PHF20L1: variants seen among roughly 807,000 people sequenced by gnomAD.
PHF20L1 encodes PHD finger protein 20-like protein 1.
Under a neutral mutation model 125.5 loss-of-function variants are expected in PHF20L1, and 44 were observed. The observed-to-expected ratio is 0.35, with a 90% CI of 0.28 to 0.45. PHF20L1 has a LOEUF of 0.45. Ranked by LOEUF, PHF20L1 falls within the 20% of genes least tolerant of loss-of-function variation. The pLI is 1.00. For missense variants in PHF20L1, 1,012 were observed against 1,217.2 expected, an observed-to-expected ratio of 0.83 and a Z score of 2.51; for synonymous variants, 380 against 403.1, an observed-to-expected ratio of 0.94 and a Z score of 0.69.
At chr8:132,845,650 A>C (rs1838365743) in intron 20 of PHF20L1, 131 bp from the exon 21 acceptor site, 1 of 648,916 alleles carries the variant, frequency 1.5e-6, no homozygotes, top group Admixed American at 2.6e-5. Context: ...AAATGTCTTG[A>C]GTATGTTGGC....
intron 14 of PHF20L1, among the ~76,000 whole-genome samples, chr8:132,830,748 C>G (rs555645873): frequency 6.6e-6 from 1 of 152,184 alleles, no homozygotes; most frequent in African/African-American, 2.4e-5. Context: ...TCTAGCATTT[C>G]TCACCACTGC....
At chr8:132,781,896 A>G (rs943380540) in intron 2 of PHF20L1, among the ~76,000 whole-genome samples, 1 of 152,200 alleles carries the variant, frequency 6.6e-6, no homozygotes, top group African/African-American at 2.4e-5. Flanking sequence ...TCTCTCCTAC[A>G]CTGACCAAAC....
intron 6 of PHF20L1, among the ~76,000 whole-genome samples, chr8:132,801,173 C>T (rs1833002005): frequency 6.6e-6 from 1 of 151,594 alleles, no homozygotes; most frequent in Non-Finnish European, 1.5e-5. Flanking sequence ...GAAGTACTTG[C>T]CTTTTCTCTC....
chr8:132,776,491 G>A (rs1586823633), intron 1 of PHF20L1, among the ~76,000 whole-genome samples: 3 of 152,082 alleles, frequency 2.0e-5, no homozygotes, highest in Admixed American at 2.0e-4. Context: ...GCTACACCCT[G>A]GGCAAGCTCC....
intron 2 of PHF20L1, among the ~76,000 whole-genome samples, chr8:132,784,495 G>A (rs1830789354): frequency 6.6e-6 from 1 of 151,954 alleles, no homozygotes; most frequent in Admixed American, 6.6e-5. Context: ...CCTATTCAGG[G>A]ATGACAGATT....
rs937295439 is a variant in PHF20L1, at chr8:132,843,108, A to G, written c.2748+233A>G. ...TAATTCAATAAACTGTTACTCTAAC[A>G]AAAGTTTCAATTGTATAAGTACATT... is the stretch of plus-strand genomic sequence containing the variant. On this transcript the variant is annotated intron_variant, in intron 19 of 20. Transcript: ENST00000395386. 1.3e-5 allele frequency: 16 copies of G among 1,216,856 alleles called. No individual in the cohort carries two copies. The Admixed American group carries it at 2.4e-4, about 18-fold the overall frequency. 75.4% of individuals were successfully genotyped at this position (1,216,856 alleles called of 1,614,324 possible). A position where few individuals can be genotyped will look rare whatever the true frequency, so the allele number is the denominator to read the frequency against.
intron 2 of PHF20L1, among the ~76,000 whole-genome samples, chr8:132,780,899 C>T (rs1200450987): frequency 1.4e-5 from 2 of 144,546 alleles, no homozygotes; most frequent in Admixed American, 1.4e-4. Flanking sequence ...GCTGGGAGTG[C>T]AGTGGCGTGA....
chr8:132,844,465 T>G (rs1360453901), intron 20 of PHF20L1, 147 bp downstream of exon 20: 2 of 629,072 alleles, frequency 3.2e-6, no homozygotes, highest in African/African-American at 1.8e-5. Flanking sequence ...GTATTGTATT[T>G]AACACATTTG....
At chr8:132,780,567 A>G (rs910456752) in intron 2 of PHF20L1, among the ~76,000 whole-genome samples, 2 of 152,112 alleles carry the variant, frequency 1.3e-5, no homozygotes, top group African/African-American at 4.8e-5. Flanking sequence ...TTTTGCATCC[A>G]TATTGAATGC....
intron 15 of PHF20L1, among the ~76,000 whole-genome samples, chr8:132,834,152 C>T (rs1356529780): frequency 6.6e-6 from 1 of 152,030 alleles, no homozygotes; most frequent in Non-Finnish European, 1.5e-5. Context: ...TCAGCTCTGT[C>T]ATCCATTTTA....
At position 132,817,283 on chromosome 8, in the gene PHF20L1, G is replaced by A. The variant is rs1835090119; in HGVS notation, c.1373-56G>A. The A allele has an allele frequency of 6.4e-6, 9 of 1,410,596 alleles. No individual in the cohort carries two copies. In the South Asian group the frequency reaches 1.1e-4, roughly 17 times the overall value. 87.4% of individuals were successfully genotyped at this position (1,410,596 alleles called of 1,614,324 possible). On this transcript the variant is annotated intron_variant, in intron 11 of 20. Coordinates refer to ENST00000395386, the MANE Select transcript of PHF20L1 (RefSeq NM_016018.5). ...TGTAACACTTTAATTCACAGTGATA[G>A]TAACTGAGCCATTTTATCTGTGTTA...
At chr8:132,823,632 T>G (rs1440599768) in intron 12 of PHF20L1, among the ~76,000 whole-genome samples, 1 of 151,976 alleles carries the variant, frequency 6.6e-6, no homozygotes, top group Non-Finnish European at 1.5e-5. Flanking sequence ...ACTAGACATC[T>G]TCCACATTTT....
intron 2 of PHF20L1, among the ~76,000 whole-genome samples, chr8:132,778,834 T>G (rs556009446): frequency 1.1e-4 from 16 of 152,296 alleles, no homozygotes; most frequent in Admixed American, 1.0e-3. Flanking sequence ...CTGCCTTTGC[T>G]CCTCCTGAAG....
chr8:132,805,931 A>G (rs762372079), intron 8 of PHF20L1, among the ~76,000 whole-genome samples: 2 of 151,998 alleles, frequency 1.3e-5, no homozygotes, highest in African/African-American at 4.8e-5. Context: ...CTTGTAAACT[A>G]TTAACCTTGG....
intron 12 of PHF20L1, among the ~76,000 whole-genome samples, chr8:132,819,909 A>G (rs1192085085): frequency 6.6e-6 from 1 of 151,922 alleles, no homozygotes; most frequent in Non-Finnish European, 1.5e-5. Context: ...GAAATTGTTC[A>G]ACATGGTTAG....
intron 7 of PHF20L1, 91 bp from the exon 8 acceptor site, chr8:132,804,524 C>A: frequency 2.1e-6 from 2 of 971,216 alleles, no homozygotes; most frequent in Non-Finnish European, 3.1e-6. Context: ...AACTAATGTG[C>A]AAAGCATTTT....
At chr8:132,824,978 G>A (rs994937881) in intron 13 of PHF20L1, 1 of 1,326,698 alleles carries the variant, frequency 7.5e-7, no homozygotes, top group Non-Finnish European at 1.0e-6. Context: ...TACCACATCA[G>A]GAAATTGAGA....
At chr8:132,788,015 T>C (rs1302915594) in intron 2 of PHF20L1, among the ~76,000 whole-genome samples, 1 of 152,124 alleles carries the variant, frequency 6.6e-6, no homozygotes, top group Non-Finnish European at 1.5e-5. Context: ...TCCACAAAAC[T>C]ATTTTGAATT....
chr8:132,793,463 C>T (rs138393952), intron 2 of PHF20L1, among the ~76,000 whole-genome samples: 36 of 152,082 alleles, frequency 2.4e-4, no homozygotes, highest in Middle Eastern at 3.4e-3. Context: ...TAGTTTTTCA[C>T]GGGGAAAACA....
Sources: gnomAD v4.1 joint callset for allele counts (sites outside exome capture counted in the v4.1 genomes callset) on GRCh38, gnomAD v4.1.1 for gene constraint, MANE v1.5 for transcripts, NCBI Gene and HGNC (gene_info 2026-07-23, HGNC 2026-07-21) for gene names.